The following DPP10 variants were observed in gnomAD, a reference collection of about 807,000 sequenced individuals.
The protein encoded by DPP10 is inactive dipeptidyl peptidase 10.
Under a neutral mutation model 120.9 loss-of-function variants are expected in DPP10, and 33 were observed. The ratio of observed to expected loss-of-function variants is 0.27; its 90% confidence interval spans 0.21 to 0.37. The LOEUF (loss-of-function observed/expected upper bound fraction) is 0.37. Among genes scored for constraint, DPP10 ranks in the 10% least tolerant of loss-of-function variants. DPP10 has a pLI of 1.00. For missense variants in DPP10, 816 were observed against 942.8 expected (o/e 0.87, Z 1.76); for synonymous variants, 337 against 326.1 (o/e 1.03, Z -0.36).
At chr2:115,412,477 T>TAA (rs2069028726) in intron 3 of DPP10, among the ~76,000 whole-genome samples, 2 of 152,208 alleles carry the variant, frequency 1.3e-5, no homozygotes, top group Non-Finnish European at 2.9e-5. Context: ...AATACAGGTG[T>TAA]CTACTCGAAG....
rs548604562 is a variant in DPP10 at position 114,749,626 on chromosome 2, G to A, written c.60+306788G>A. On this transcript the variant is annotated intron_variant, in intron 1 of 25. Coordinates refer to ENST00000410059, the MANE Select transcript of DPP10 (RefSeq NM_020868.6). ...TTTTGAGACAGAGTCTCACTCTGTC[G>A]CCCAGGCTAGAGTGCAGCGGCACGA... Among the ~76,000 whole-genome samples the A allele has an allele frequency of 1.3e-3, 159 of 120,276 alleles. 2 individuals are homozygous for A. The highest frequency in any genetic ancestry group is 4.2e-3 in the African/African-American group (134 of 31,900). The allele number at this position is 120,276 out of a possible 152,430, so 78.9% of individuals were successfully genotyped here.
At chr2:114,779,953 G>A (rs573961133) in intron 1 of DPP10, among the ~76,000 whole-genome samples, 1 of 152,058 alleles carries the variant, frequency 6.6e-6, no homozygotes, top group Non-Finnish European at 1.5e-5. Context: ...TGGCTAACAT[G>A]GTGAAACCCC....
At chr2:114,944,987 A>G (rs988708433) in intron 1 of DPP10, among the ~76,000 whole-genome samples, 1 of 152,214 alleles carries the variant, frequency 6.6e-6, no homozygotes, top group Non-Finnish European at 1.5e-5. Flanking sequence ...TGCAATGGAG[A>G]AAAGGTTAGT....
intron 12 of DPP10, 22 bp downstream of exon 12, chr2:115,762,632 A>T: frequency 1.2e-6 from 2 of 1,612,420 alleles, no homozygotes; most frequent in Non-Finnish European, 1.7e-6. Flanking sequence ...GTGGTCTGTC[A>T]CATCTTGGCC....
At chr2:115,338,739 C>G (rs2063293658) in intron 2 of DPP10, among the ~76,000 whole-genome samples, 1 of 152,142 alleles carries the variant, frequency 6.6e-6, no homozygotes, top group Non-Finnish European at 1.5e-5. Context: ...CAAAATAAAC[C>G]AGCAGACAAA....
Position 115,657,902 on chromosome 2 carries a change from T to TCTTCCACAGCTGTGTGGAAGAAC in DPP10, c.442-31775_442-31753dup, listed in dbSNP as rs1234930720. On this transcript the variant is annotated intron_variant, in intron 5 of 25. Coordinates refer to ENST00000410059, the MANE Select transcript of DPP10 (RefSeq NM_020868.6). ...TTGTCTATGTGTCTGAAGAGAACCT[T>TCTTCCACAGCTGTGTGGAAGAAC]CTTCCACAGCTGTGTGGAAGAACCT... Among the ~76,000 whole-genome samples, 4 of 152,062 alleles carry TCTTCCACAGCTGTGTGGAAGAAC rather than the reference T, an allele frequency of 2.6e-5. No individual in the cohort carries two copies. In the East Asian group the frequency reaches 7.7e-4, roughly 29 times the overall value.
At chr2:114,823,298 A>C (rs1686251648) in intron 1 of DPP10, among the ~76,000 whole-genome samples, 1 of 152,108 alleles carries the variant, frequency 6.6e-6, no homozygotes, top group Non-Finnish European at 1.5e-5. Context: ...AAACCATCAG[A>C]TCTCATGAAA....
intron 1 of DPP10, among the ~76,000 whole-genome samples, chr2:114,977,489 A>C (rs1425794833): frequency 6.6e-6 from 1 of 152,134 alleles, no homozygotes; most frequent in Non-Finnish European, 1.5e-5. Context: ...ATCTTGGATA[A>C]AGCTGAGACC....
intron 1 of DPP10, among the ~76,000 whole-genome samples, chr2:114,540,809 T>C (rs987274899): frequency 5.3e-5 from 8 of 152,194 alleles, no homozygotes; most frequent in African/African-American, 1.7e-4. Context: ...TGCCTCTGCT[T>C]ATACGCCTCC....
intron 5 of DPP10, among the ~76,000 whole-genome samples, chr2:115,677,703 A>G (rs1371611008): frequency 6.6e-6 from 1 of 152,234 alleles, no homozygotes; most frequent in Non-Finnish European, 1.5e-5. Context: ...AACAAGATCA[A>G]TTAAGCAAGA....
intron 5 of DPP10, among the ~76,000 whole-genome samples, chr2:115,594,591 G>T (rs1201825531): frequency 2.0e-5 from 3 of 152,152 alleles, no homozygotes; most frequent in African/African-American, 4.8e-5. Flanking sequence ...AGTTCTGGAA[G>T]TTTTTTCTCT....
intron 1 of DPP10, among the ~76,000 whole-genome samples, chr2:114,808,292 G>C (rs1436736325): frequency 6.6e-6 from 1 of 152,088 alleles, no homozygotes; most frequent in Non-Finnish European, 1.5e-5. Context: ...TATTTGAGTT[G>C]CTTCCATTTT....
chr2:115,619,123 T>TC (rs2084751007), intron 5 of DPP10, among the ~76,000 whole-genome samples: 1 of 149,250 alleles, frequency 6.7e-6, no homozygotes, highest in Non-Finnish European at 1.5e-5. Flanking sequence ...TTTGTAGTTT[T>TC]TTTTTTTTTA....
chr2:115,763,428 CTT>C (rs1376502732), intron 12 of DPP10, among the ~76,000 whole-genome samples: 1 of 152,068 alleles, frequency 6.6e-6, no homozygotes, highest in Non-Finnish European at 1.5e-5. Context: ...GAACTCATTC[CTT>C]TTCTAGTCAG....
chr2:114,496,122 T>G (rs1419797209), intron 1 of DPP10, among the ~76,000 whole-genome samples: 1 of 152,122 alleles, frequency 6.6e-6, no homozygotes, highest in Non-Finnish European at 1.5e-5. Flanking sequence ...GAGCTAGTTA[T>G]GAAGGAAGCA....
intron 5 of DPP10, among the ~76,000 whole-genome samples, chr2:115,551,277 G>A (rs2079855525): frequency 6.6e-6 from 1 of 152,126 alleles, no homozygotes; most frequent in Non-Finnish European, 1.5e-5. Context: ...AATAGTATAA[G>A]GAGTACATTG....
At chr2:115,702,163 A>C (rs919723732) in intron 7 of DPP10, among the ~76,000 whole-genome samples, 1 of 152,026 alleles carries the variant, frequency 6.6e-6, no homozygotes, top group Non-Finnish European at 1.5e-5. Context: ...TTGTTCCTCA[A>C]GGTTAAGTTC....
chr2:114,773,454 C>T (rs2460434), intron 1 of DPP10, among the ~76,000 whole-genome samples: 62,134 of 146,570 alleles, frequency 0.42, 13,751 homozygotes, highest in South Asian at 0.49. Flanking sequence ...ACACTCATCA[C>T]GGACTTTTAG....
chr2:114,495,537 C>T lies in DPP10; in HGVS notation c.60+52699C>T, dbSNP rs929498057. Among the ~76,000 whole-genome samples, 5 of 152,246 alleles carry T rather than the reference C, an allele frequency of 3.3e-5. No homozygotes were observed. In the East Asian group the frequency reaches 7.7e-4, roughly 23 times the overall value. ...TCTTAAAAAAATCTGAAAACTGAAG[C>T]TATGACAAAATAATGAATTTGAACA... On this transcript the variant is annotated intron_variant, in intron 1 of 25. Coordinates refer to ENST00000410059, the MANE Select transcript of DPP10 (RefSeq NM_020868.6).
Sources: allele counts gnomAD v4.1 joint callset (sites outside exome capture counted in the v4.1 genomes callset), GRCh38; gene constraint gnomAD v4.1.1; transcripts MANE v1.5; gene names NCBI Gene and HGNC (gene_info 2026-07-23, HGNC 2026-07-21).